The following BEND5 variants were observed in gnomAD, a reference collection of about 807,000 sequenced individuals.
BEND5 encodes BEN domain-containing protein 5.
Under a neutral mutation model 43.9 loss-of-function variants are expected in BEND5, and 22 were observed. The ratio of observed to expected loss-of-function variants is 0.50; its 90% CI spans 0.36 to 0.72. The LOEUF is 0.72. Ranked by LOEUF, BEND5 falls within the 30% of genes least tolerant of loss-of-function variation. BEND5 has a pLI of 0.00. For synonymous variants in BEND5, 228 were observed against 225.9 expected (o/e 1.01, Z -0.08); for missense variants, 428 against 550.6 (o/e 0.78, Z 2.23).
intron 3 of BEND5, among the ~76,000 whole-genome samples, chr1:48,743,220 T>A (rs1442223979): frequency 6.6e-6 from 1 of 152,168 alleles, no homozygotes; most frequent in Non-Finnish European, 1.5e-5. Flanking sequence ...GGCAAAAATG[T>A]TAAGGCCTCC....
intron 4 of BEND5, among the ~76,000 whole-genome samples, chr1:48,741,764 C>A (rs544213770): frequency 4.6e-5 from 7 of 152,174 alleles, no homozygotes; most frequent in Non-Finnish European, 8.8e-5. Context: ...GAAAAATGAA[C>A]CAACACATGA....
chr1:48,772,158 C>T (rs890064522), intron 1 of BEND5, among the ~76,000 whole-genome samples: 4 of 152,208 alleles, frequency 2.6e-5, no homozygotes, highest in Non-Finnish European at 5.9e-5. Flanking sequence ...GAGGAGTTCC[C>T]TGTCAGGCAG....
At chr1:48,730,936 ACT>A (rs1378467922) in intron 5 of BEND5, among the ~76,000 whole-genome samples, 1 of 152,112 alleles carries the variant, frequency 6.6e-6, no homozygotes, top group Non-Finnish European at 1.5e-5. Flanking sequence ...TTAGAGCAAG[ACT>A]CTGCTTCAGC....
intron 1 of BEND5, among the ~76,000 whole-genome samples, chr1:48,768,171 C>CA (rs1644624071): frequency 8.5e-5 from 1 of 11,772 alleles, no homozygotes; most frequent in African/African-American, 1.3e-4. Flanking sequence ...AACTAAAAGG[C>CA]ACATGTAACA....
chr1:48,756,286 C>T (rs1643921149), intron 3 of BEND5, among the ~76,000 whole-genome samples: 1 of 152,176 alleles, frequency 6.6e-6, no homozygotes, highest in Non-Finnish European at 1.5e-5. Flanking sequence ...GGAAGCCTTC[C>T]TTCTCTGACC....
At chr1:48,729,382 T>C (rs905438854) in intron 5 of BEND5, among the ~76,000 whole-genome samples, 1 of 152,122 alleles carries the variant, frequency 6.6e-6, no homozygotes, top group Non-Finnish European at 1.5e-5. Flanking sequence ...CACGGGAATG[T>C]GTAATAATGG....
At chr1:48,767,418 C>T (rs1199073457) in intron 1 of BEND5, among the ~76,000 whole-genome samples, 1 of 152,164 alleles carries the variant, frequency 6.6e-6, no homozygotes, top group Non-Finnish European at 1.5e-5. Context: ...AGGTATCTGA[C>T]ACAGACTGAG....
At chr1:48,753,757 G>A (rs1489384236) in intron 3 of BEND5, among the ~76,000 whole-genome samples, 1 of 152,208 alleles carries the variant, frequency 6.6e-6, no homozygotes, top group Non-Finnish European at 1.5e-5. Context: ...TATCGGAATT[G>A]TCCAATGAGA....
intron 1 of BEND5, among the ~76,000 whole-genome samples, chr1:48,767,501 G>A (rs1644589059): frequency 6.6e-6 from 1 of 152,220 alleles, no homozygotes; most frequent in Non-Finnish European, 1.5e-5. Context: ...GTGAGGAGGA[G>A]ACAGAACACA....
chr1:48,740,203 G>A (rs377095297), intron 4 of BEND5, among the ~76,000 whole-genome samples: 37 of 152,308 alleles, frequency 2.4e-4, no homozygotes, highest in African/African-American at 7.0e-4. Context: ...GGTATAGGCC[G>A]GGGCATTTGA....
chr1:48,749,778 TTC>T (rs1487215995), intron 3 of BEND5, among the ~76,000 whole-genome samples: 2 of 152,212 alleles, frequency 1.3e-5, no homozygotes, highest in African/African-American at 2.4e-5. Flanking sequence ...GTTCTTCTAC[TTC>T]TCTCCTGCCC....
chr1:48,769,154 C>A (rs1455386541), intron 1 of BEND5, among the ~76,000 whole-genome samples: 1 of 152,160 alleles, frequency 6.6e-6, no homozygotes, highest in African/African-American at 2.4e-5. Context: ...ACAGGGACTT[C>A]CAGGTCTCTT....
intron 5 of BEND5, among the ~76,000 whole-genome samples, chr1:48,731,955 A>G (rs534686087): frequency 6.6e-6 from 1 of 152,258 alleles, no homozygotes; most frequent in Non-Finnish European, 1.5e-5. Context: ...TGCCAGAGTA[A>G]TGGAGGGGAG....
At chr1:48,742,569 T>G in intron 4 of BEND5, 54 bp downstream of exon 4, 7 of 1,438,304 alleles carry the variant, frequency 4.9e-6, no homozygotes, top group Non-Finnish European at 5.5e-6. Context: ...CTCTCCACCT[T>G]TACTCTGACT....
At chr1:48,754,589 A>G (rs1652245670) in intron 3 of BEND5, among the ~76,000 whole-genome samples, 1 of 152,188 alleles carries the variant, frequency 6.6e-6, no homozygotes, top group Non-Finnish European at 1.5e-5. Context: ...GAAAAAGGAA[A>G]AGGGGACTGG....
chr1:48,769,568 CACAA>C (rs1207093242), intron 1 of BEND5, among the ~76,000 whole-genome samples: 4 of 143,702 alleles, frequency 2.8e-5, no homozygotes, highest in East Asian at 4.1e-4. Context: ...CACACACACA[CACAA>C]GTTAAATTTT....
intron 5 of BEND5, among the ~76,000 whole-genome samples, chr1:48,735,515 AAAGG>A (rs147008867): frequency 0.01 from 1,577 of 151,446 alleles, 30 homozygotes; most frequent in African/African-American, 0.034. Flanking sequence ...AGGAGGGAAG[AAAGG>A]AAGGAAGTAA....
intron 3 of BEND5, among the ~76,000 whole-genome samples, chr1:48,745,464 A>G (rs4926750): frequency 0.65 from 98,909 of 151,954 alleles, 33,628 homozygotes; most frequent in Non-Finnish European, 0.77. Flanking sequence ...CAGGGGTTGA[A>G]AGAGTCACCT....
intron 3 of BEND5, among the ~76,000 whole-genome samples, chr1:48,758,324 G>A (rs1042534234): frequency 6.6e-6 from 1 of 152,078 alleles, no homozygotes; most frequent in Non-Finnish European, 1.5e-5. Flanking sequence ...CTCTTAGTGT[G>A]CTCCAGGTAT....
Sources: allele counts gnomAD v4.1 joint callset (sites outside exome capture counted in the v4.1 genomes callset), GRCh38; gene constraint gnomAD v4.1.1; transcripts MANE v1.5; gene names NCBI Gene and HGNC (gene_info 2026-07-23, HGNC 2026-07-21).